CPED1: variants seen among roughly 807,000 people sequenced by gnomAD.
The protein encoded by CPED1 is cadherin-like and PC-esterase domain-containing protein 1.
A neutral mutation model predicts 128.2 loss-of-function variants in CPED1; 114 were observed. That is an observed-to-expected ratio of 0.89 (90% CI 0.76 to 1.04). The LOEUF (loss-of-function observed/expected upper bound fraction) is 1.04, where lower values mean the gene tolerates loss of function less well. Ranked by LOEUF, CPED1 falls within the 50% of genes least tolerant of loss-of-function variation. The pLI is 0.00. For missense variants in CPED1, 1,211 were observed against 1,207.1 expected, an observed-to-expected ratio of 1.00 and a Z score of -0.05; for synonymous variants, 462 against 426.7, an observed-to-expected ratio of 1.08 and a Z score of -1.02.
intron 5 of CPED1, among the ~76,000 whole-genome samples, chr7:121,094,498 C>G (rs529760405): frequency 6.6e-6 from 1 of 152,282 alleles, no homozygotes; most frequent in South Asian, 2.1e-4. Context: ...ATTTTGTTCT[C>G]TAACCATAGA....
At chr7:121,219,755 G>A (rs182644414) in intron 16 of CPED1, among the ~76,000 whole-genome samples, 50 of 152,078 alleles carry the variant, frequency 3.3e-4, no homozygotes, top group Non-Finnish European at 1.8e-4. Flanking sequence ...AAGGGAAGCC[G>A]TATGTACTAT....
chr7:121,141,015 T>C lies in CPED1; in HGVS notation c.1886+2T>C. ...CCTGTACGAGCAGGCAGGGCCAAGG[T>C]ATGAGATGTTGACTGGGGCTGTGTT... On this transcript the variant is annotated splice_donor_variant, in intron 15 of 22. Transcript: ENST00000310396. LOFTEE classifies it high-confidence loss of function. The C allele has an allele frequency of 6.2e-7, 1 of 1,605,116 alleles. No homozygotes were observed. The highest frequency in any genetic ancestry group is 8.5e-7 in the Non-Finnish European group (1 of 1,176,904).
At chr7:121,099,856 T>C in intron 6 of CPED1, 70 bp from the exon 7 acceptor site, 1 of 1,505,886 alleles carries the variant, frequency 6.6e-7, no homozygotes, top group South Asian at 1.2e-5. Flanking sequence ...ACAAAGCTTG[T>C]AGGTAATTTA....
chr7:121,014,568 T>A (rs78876538), intron 2 of CPED1, among the ~76,000 whole-genome samples: 56,412 of 138,340 alleles, frequency 0.41, 13,706 homozygotes, highest in South Asian at 0.57. Flanking sequence ...AAAATAATAA[T>A]AATAATAATA....
chr7:121,216,172 GAT>G (rs1426183183), intron 16 of CPED1, among the ~76,000 whole-genome samples: 1 of 152,020 alleles, frequency 6.6e-6, no homozygotes, highest in Non-Finnish European at 1.5e-5. Flanking sequence ...ATTTAAATAA[GAT>G]AGAAAAGTAT....
chr7:121,005,166 G>A (rs1228302035), intron 2 of CPED1, among the ~76,000 whole-genome samples: 1 of 152,132 alleles, frequency 6.6e-6, no homozygotes, highest in South Asian at 2.1e-4. Context: ...GCTTATGAGC[G>A]AGAACATGTG....
chr7:121,239,456 AAT>A (rs1406057976), intron 17 of CPED1, among the ~76,000 whole-genome samples: 1 of 152,156 alleles, frequency 6.6e-6, no homozygotes, highest in Non-Finnish European at 1.5e-5. Flanking sequence ...AATTAGGAAA[AAT>A]AAAAATTTCT....
intron 12 of CPED1, among the ~76,000 whole-genome samples, chr7:121,132,600 T>C (rs768521850): frequency 6.6e-6 from 1 of 152,000 alleles, no homozygotes; most frequent in Non-Finnish European, 1.5e-5. Flanking sequence ...AGAATGAAAA[T>C]CTTAAAATCA....
intron 16 of CPED1, among the ~76,000 whole-genome samples, chr7:121,174,786 C>T (rs985854668): frequency 8.6e-5 from 13 of 151,840 alleles, no homozygotes; most frequent in African/African-American, 2.2e-4. Flanking sequence ...TTGATAGCAG[C>T]GGCATGGAGT....
At position 121,123,523 on chromosome 7, in the gene CPED1, A is replaced by G. The variant is rs182135268; in HGVS notation, c.919-808A>G. 4.6e-5 allele frequency among the ~76,000 whole-genome samples: 7 copies of G among 152,292 alleles called. No homozygotes were observed. The East Asian group carries it at 1.3e-3, about 29-fold the overall frequency. ...CAGAGAAAGTTTATGAATCAATATGAGATTTGTTTTATATTTTTAAAAAAT... is the reference window on the plus strand; with the variant it reads ...CAGAGAAAGTTTATGAATCAATATGGGATTTGTTTTATATTTTTAAAAAAT... On this transcript the variant is annotated intron_variant, in intron 7 of 22. Transcript: ENST00000310396.
chr7:121,142,184 A>G (rs1795921511), intron 16 of CPED1, 43 bp downstream of exon 16: 2 of 1,512,274 alleles, frequency 1.3e-6, no homozygotes, highest in South Asian at 1.2e-5. Context: ...ATTGGGAATG[A>G]TCTGTTAACC....
intron 2 of CPED1, among the ~76,000 whole-genome samples, chr7:120,995,351 C>T (rs1562985219): frequency 6.6e-6 from 1 of 152,166 alleles, no homozygotes; most frequent in Admixed American, 6.5e-5. Flanking sequence ...ATTTCCTTTT[C>T]GAATTCCACA....
intron 16 of CPED1, among the ~76,000 whole-genome samples, chr7:121,167,725 A>ATTTTTTTTTTTTTTTTTTTTTTTTT (rs10588976): frequency 1.0e-5 from 1 of 99,264 alleles, no homozygotes; most frequent in Non-Finnish European, 2.0e-5. Context: ...TTTAAAGTCT[A>ATTTTTTTTTTTTTTTTTTTTTTTTT]TTTTTTTTTT....
chr7:121,186,377 G>T (rs896586617), intron 16 of CPED1, among the ~76,000 whole-genome samples: 2 of 152,078 alleles, frequency 1.3e-5, no homozygotes, highest in Admixed American at 1.3e-4. Context: ...TGGGACACTA[G>T]CACTTATCTG....
chr7:121,050,879 C>A, intron 4 of CPED1: 1 of 477,120 alleles, frequency 2.1e-6, no homozygotes, highest in Non-Finnish European at 4.3e-6. Flanking sequence ...GGCCTGCAGG[C>A]ACCTGGCACG....
chr7:121,048,649 T>G (rs2110276), intron 4 of CPED1, among the ~76,000 whole-genome samples: 1 of 151,978 alleles, frequency 6.6e-6, no homozygotes, highest in Non-Finnish European at 1.5e-5. Context: ...AAGCAATTAT[T>G]GGGCCTCAGC....
intron 22 of CPED1, among the ~76,000 whole-genome samples, chr7:121,290,866 A>G (rs1471270432): frequency 6.6e-6 from 1 of 152,152 alleles, no homozygotes; most frequent in Non-Finnish European, 1.5e-5. Context: ...TTTATTCATG[A>G]AGTCTTTGCC....
At chr7:121,090,955 A>C (rs1436784766) in intron 5 of CPED1, among the ~76,000 whole-genome samples, 1 of 151,932 alleles carries the variant, frequency 6.6e-6, no homozygotes, top group Non-Finnish European at 1.5e-5. Flanking sequence ...ATCTAAAAAA[A>C]TAAAAATAAA....
At chr7:121,287,850 T>C (rs1048859912) in intron 22 of CPED1, among the ~76,000 whole-genome samples, 1 of 152,188 alleles carries the variant, frequency 6.6e-6, no homozygotes, top group Non-Finnish European at 1.5e-5. Context: ...CTAAATATCA[T>C]TGTTGAATTT....
Sources: allele counts gnomAD v4.1 joint callset (sites outside exome capture counted in the v4.1 genomes callset), GRCh38; gene constraint gnomAD v4.1.1; transcripts MANE v1.5; gene names NCBI Gene and HGNC (gene_info 2026-07-23, HGNC 2026-07-21).